DGKB: variants seen among roughly 807,000 people sequenced by gnomAD.
The protein encoded by DGKB is diacylglycerol kinase beta, also known as 90 kDa diacylglycerol kinase.
A neutral mutation model predicts 114.3 loss-of-function variants in DGKB; 67 were observed. That is an observed-to-expected ratio of 0.59 (90% CI 0.48 to 0.72). DGKB has a LOEUF of 0.72. Ranked by LOEUF, DGKB falls within the 30% of genes least tolerant of loss-of-function variation. DGKB has a pLI of 0.00. For synonymous variants in DGKB, 398 were observed against 323.1 expected (o/e 1.23, Z -2.49); for missense variants, 907 against 975.2 (o/e 0.93, Z 0.93).
intron 13 of DGKB, among the ~76,000 whole-genome samples, chr7:14,649,290 G>A (rs374965249): frequency 1.8e-4 from 28 of 151,510 alleles, no homozygotes; most frequent in Admixed American, 4.6e-4. Context: ...GACTAACAGC[G>A]GATCTCTCGG....
chr7:14,324,459 A>AG (rs1304431316), intron 23 of DGKB, among the ~76,000 whole-genome samples: 4 of 151,290 alleles, frequency 2.6e-5, no homozygotes, highest in Non-Finnish European at 5.9e-5. Flanking sequence ...AAAAAAAAAA[A>AG]AAAGAAAGAA....
chr7:14,692,604 A>G (rs1439162830), intron 9 of DGKB, among the ~76,000 whole-genome samples: 1 of 151,710 alleles, frequency 6.6e-6, no homozygotes, highest in Non-Finnish European at 1.5e-5. Context: ...ATACTCAGTT[A>G]TGTGTAGTAT....
intron 2 of DGKB, among the ~76,000 whole-genome samples, chr7:14,818,951 G>T (rs1229657027): frequency 6.6e-6 from 1 of 152,088 alleles, no homozygotes; most frequent in Non-Finnish European, 1.5e-5. Flanking sequence ...TGCAATCTAA[G>T]AATGAATATG....
chr7:14,507,578 T>C (rs1303425279), intron 20 of DGKB, among the ~76,000 whole-genome samples: 1 of 152,222 alleles, frequency 6.6e-6, no homozygotes, highest in African/African-American at 2.4e-5. Context: ...TTTTTACTGC[T>C]GTTAGGAGGT....
chr7:14,542,126 A>G (rs1022568081), intron 20 of DGKB, among the ~76,000 whole-genome samples: 1 of 152,078 alleles, frequency 6.6e-6, no homozygotes, highest in Non-Finnish European at 1.5e-5. Context: ...ATGGTTCCTC[A>G]TGGGCCATTC....
chr7:14,340,829 C>T (rs1324858893), intron 22 of DGKB, among the ~76,000 whole-genome samples: 1 of 151,800 alleles, frequency 6.6e-6, no homozygotes, highest in South Asian at 2.1e-4. Flanking sequence ...CAGGGCCTGG[C>T]TTCCATTTTC....
At position 14,235,032 on chromosome 7, in the gene DGKB, G is replaced by A. The variant is rs187125653; in HGVS notation, c.2123-56881C>T. On this transcript the variant is annotated intron_variant, in intron 23 of 25. Transcript: ENST00000402815. ...AAAGTAACTTGGATTTAATTTTGCA[G>A]GAACCTTCTCTTCTTCTCCCTCTCA... Among the ~76,000 whole-genome samples, 51 of 152,128 alleles carry A rather than the reference G, an allele frequency of 3.4e-4. 1 individual carries two copies. The East Asian group carries it at 8.7e-3, about 26-fold the overall frequency.
intron 23 of DGKB, among the ~76,000 whole-genome samples, chr7:14,330,756 C>A (rs1809586072): frequency 6.6e-6 from 1 of 151,826 alleles, no homozygotes; most frequent in South Asian, 2.1e-4. Context: ...ATTCATATTT[C>A]TAGTTTGTGC....
intron 23 of DGKB, among the ~76,000 whole-genome samples, chr7:14,308,825 C>T (rs2128501574): frequency 6.6e-6 from 1 of 152,270 alleles, no homozygotes; most frequent in Admixed American, 6.5e-5. Context: ...AACAATGGGA[C>T]ACATTTTTTT....
At chr7:14,518,860 C>G (rs1191926209) in intron 20 of DGKB, among the ~76,000 whole-genome samples, 4 of 152,056 alleles carry the variant, frequency 2.6e-5, no homozygotes, top group African/African-American at 9.6e-5. Flanking sequence ...TGTTAAAATA[C>G]AGATTCTTTG....
Position 14,691,228 on chromosome 7 carries a change from T to G in DGKB, c.711+2847A>C, listed in dbSNP as rs145322472. Among the ~76,000 whole-genome samples, 182 of 152,312 alleles carry G rather than the reference T, an allele frequency of 1.2e-3. 1 individual carries two copies. Among genetic ancestry groups the G allele is most frequent in the Middle Eastern group, 3.4e-3 (1 of 294 alleles). ...CAGGACTACTTCCTTTTCTGTGTAA[T>G]TTGACTAGGACACCACAGTCACTTT... On this transcript the variant is annotated intron_variant, in intron 9 of 25. Coordinates refer to ENST00000402815, the MANE Select transcript of DGKB (RefSeq NM_001350709.2).
intron 21 of DGKB, among the ~76,000 whole-genome samples, chr7:14,471,713 T>A (rs1051429594): frequency 6.6e-6 from 1 of 152,022 alleles, no homozygotes; most frequent in South Asian, 2.1e-4. Flanking sequence ...ACTCTACATA[T>A]CACAGTTCAA....
At chr7:14,305,959 A>G (rs1330944228) in intron 23 of DGKB, among the ~76,000 whole-genome samples, 1 of 152,182 alleles carries the variant, frequency 6.6e-6, no homozygotes, top group Non-Finnish European at 1.5e-5. Context: ...AAGCAGATGA[A>G]CTTTCAAGGA....
chr7:14,819,725 A>G (rs1447110194), intron 2 of DGKB, among the ~76,000 whole-genome samples: 3 of 152,206 alleles, frequency 2.0e-5, no homozygotes, highest in Non-Finnish European at 2.9e-5. Flanking sequence ...ACAAAGTTGT[A>G]TGGTTTGTAG....
chr7:14,456,304 A>C (rs973253067), intron 21 of DGKB, among the ~76,000 whole-genome samples: 1 of 152,082 alleles, frequency 6.6e-6, no homozygotes, highest in African/African-American at 2.4e-5. Flanking sequence ...AGCATTTCAC[A>C]TAAGAGCTGC....
chr7:14,388,735 T>C (rs1326833756), intron 21 of DGKB, among the ~76,000 whole-genome samples: 3 of 152,080 alleles, frequency 2.0e-5, no homozygotes, highest in Non-Finnish European at 2.9e-5. Context: ...TTCAGGAAGA[T>C]GGAGAAAAAA....
rs907063548 is a variant in DGKB, at chr7:14,870,334, G to A, written c.-187-28884C>T. On this transcript the variant is annotated intron_variant, in intron 1 of 25. Coordinates refer to ENST00000402815, the MANE Select transcript of DGKB (RefSeq NM_001350709.2). ...ATTGAATAAATGAGTAAAATGAAAA[G>A]AGTAAACACATAATTAATGAGTTAA... Among the ~76,000 whole-genome samples the A allele has an allele frequency of 2.0e-5, 3 of 152,242 alleles. No homozygotes were observed. The East Asian group carries it at 5.8e-4, about 29-fold the overall frequency.
chr7:14,958,399 C>T (rs1786636999), intron 1 of DGKB, among the ~76,000 whole-genome samples: 1 of 146,970 alleles, frequency 6.8e-6, no homozygotes, highest in Non-Finnish European at 1.5e-5. Context: ...TCCTGTTAAG[C>T]CCAAACCCCA....
At chr7:14,261,431 T>A (rs17766630) in intron 23 of DGKB, among the ~76,000 whole-genome samples, 6,129 of 152,272 alleles carry the variant, frequency 0.04, 157 homozygotes, top group Non-Finnish European at 0.053. Flanking sequence ...ATTCTCCGTC[T>A]GTAAACTTTA....
Sources: gnomAD v4.1 joint callset for allele counts (sites outside exome capture counted in the v4.1 genomes callset) on GRCh38, gnomAD v4.1.1 for gene constraint, MANE v1.5 for transcripts, NCBI Gene and HGNC (gene_info 2026-07-23, HGNC 2026-07-21) for gene names.